Variants in CCSER1 observed in about 807,000 individuals in gnomAD.
CCSER1 encodes the protein serine-rich coiled-coil domain-containing protein 1.
Under a neutral mutation model 82.0 loss-of-function variants are expected in CCSER1, and 41 were observed. The ratio of observed to expected loss-of-function variants is 0.50; its 90% CI spans 0.39 to 0.65. The LOEUF (loss-of-function observed/expected upper bound fraction) is 0.65, where lower values mean the gene tolerates loss of function less well. Ranked by LOEUF, CCSER1 falls within the 30% of genes least tolerant of loss-of-function variation. The probability of loss-of-function intolerance (pLI) is 0.00; values close to 1 mark genes in which losing one functional copy is unlikely to be tolerated. For synonymous variants in CCSER1, 414 were observed against 383.9 expected (o/e 1.08, Z -0.92); for missense variants, 1,119 against 1,064.2 (o/e 1.05, Z -0.72).
At chr4:90,938,701 A>G in intron 9 of CCSER1, 2 of 411,434 alleles carry the variant, frequency 4.9e-6, no homozygotes, top group Non-Finnish European at 9.9e-6. Flanking sequence ...ACATGCACTG[A>G]AGGTTTATTT....
chr4:90,759,086 C>T (rs1376681585), intron 7 of CCSER1, among the ~76,000 whole-genome samples: 1 of 152,102 alleles, frequency 6.6e-6, no homozygotes, highest in Non-Finnish European at 1.5e-5. Flanking sequence ...TTTAGTCATC[C>T]TAAATTCGAA....
intron 10 of CCSER1, among the ~76,000 whole-genome samples, chr4:91,146,659 G>A (rs1220901304): frequency 2.0e-5 from 3 of 151,754 alleles, no homozygotes; most frequent in African/African-American, 7.3e-5. Flanking sequence ...TTTCATTGTG[G>A]TGTATGTTGT....
intron 10 of CCSER1, among the ~76,000 whole-genome samples, chr4:91,394,556 G>A (rs1751850590): frequency 6.6e-6 from 1 of 151,960 alleles, no homozygotes. Context: ...TGGCAATAGA[G>A]TAATATTTAA....
At chr4:90,910,119 A>C (rs921533865) in intron 8 of CCSER1, among the ~76,000 whole-genome samples, 7 of 152,148 alleles carry the variant, frequency 4.6e-5, no homozygotes, top group African/African-American at 7.2e-5. Flanking sequence ...AGAGAGAAAG[A>C]GAGAGCAAAG....
At chr4:90,442,418 G>T (rs1760018631) in intron 4 of CCSER1, among the ~76,000 whole-genome samples, 1 of 152,132 alleles carries the variant, frequency 6.6e-6, no homozygotes, top group Non-Finnish European at 1.5e-5. Context: ...ATCAAGTAAA[G>T]CTCAATTTAT....
At chr4:90,235,955 T>G (rs1237961516) in intron 1 of CCSER1, among the ~76,000 whole-genome samples, 1 of 152,142 alleles carries the variant, frequency 6.6e-6, no homozygotes, top group Non-Finnish European at 1.5e-5. Context: ...AAGTAATTTT[T>G]TTTTGAGAGA....
chr4:90,918,293 C>A (rs551744071), intron 8 of CCSER1: 1 of 452,238 alleles, frequency 2.2e-6, no homozygotes, highest in Admixed American at 2.4e-5. Flanking sequence ...TCATCTTTTT[C>A]ATCTTGTTGA....
intron 10 of CCSER1, among the ~76,000 whole-genome samples, chr4:91,284,355 T>C (rs1358807915): frequency 6.6e-6 from 1 of 152,058 alleles, no homozygotes; most frequent in East Asian, 1.9e-4. Flanking sequence ...ATGTTGGTTT[T>C]TTTTCCCAAA....
At chr4:91,229,373 T>A (rs922147025) in intron 10 of CCSER1, among the ~76,000 whole-genome samples, 3 of 151,658 alleles carry the variant, frequency 2.0e-5, no homozygotes. Flanking sequence ...AACAGAGTAC[T>A]CTTTGGGGAA....
At chr4:91,563,534 G>C (rs1258980810) in intron 10 of CCSER1, among the ~76,000 whole-genome samples, 2 of 142,194 alleles carry the variant, frequency 1.4e-5, no homozygotes, top group Non-Finnish European at 3.1e-5. Flanking sequence ...TACACACACA[G>C]TGTTCCATAT....
chr4:91,115,412 C>T (rs1184359128), intron 10 of CCSER1, among the ~76,000 whole-genome samples: 2 of 151,968 alleles, frequency 1.3e-5, no homozygotes, highest in African/African-American at 4.8e-5. Flanking sequence ...CCGCAACCTC[C>T]ATCTCCCACA....
intron 8 of CCSER1, among the ~76,000 whole-genome samples, chr4:90,894,529 G>A (rs187573224): frequency 6.6e-6 from 1 of 151,996 alleles, no homozygotes; most frequent in East Asian, 1.9e-4. Flanking sequence ...TTTGTTCCGG[G>A]AAACATTGAC....
chr4:91,035,425 A>G (rs1325530522), intron 9 of CCSER1, among the ~76,000 whole-genome samples: 2 of 152,160 alleles, frequency 1.3e-5, no homozygotes, highest in Non-Finnish European at 2.9e-5. Flanking sequence ...TTCTTAGAGT[A>G]AATGCACAGT....
chr4:90,390,283 ATTTCT>A (rs1456056121), intron 3 of CCSER1, among the ~76,000 whole-genome samples: 8 of 152,072 alleles, frequency 5.3e-5, no homozygotes, highest in Non-Finnish European at 1.0e-4. Context: ...TGTATTTTTC[ATTTCT>A]TAATTTCAAC....
intron 8 of CCSER1, among the ~76,000 whole-genome samples, chr4:90,850,514 C>G (rs899789637): frequency 6.6e-6 from 1 of 152,214 alleles, no homozygotes; most frequent in Non-Finnish European, 1.5e-5. Context: ...CCTGCACCAG[C>G]GTGCCCTGAA....
At chr4:90,343,680 T>G (rs1579292027) in intron 3 of CCSER1, among the ~76,000 whole-genome samples, 1 of 152,216 alleles carries the variant, frequency 6.6e-6, no homozygotes, top group South Asian at 2.1e-4. Context: ...CTTTGGTGTA[T>G]TCTCACACCA....
At chr4:90,236,329 G>A (rs1370360918) in intron 1 of CCSER1, among the ~76,000 whole-genome samples, 2 of 151,998 alleles carry the variant, frequency 1.3e-5, no homozygotes, top group Non-Finnish European at 2.9e-5. Context: ...TTTCTTAATC[G>A]AGAAAAGCAT....
chr4:90,349,607 C>A (rs973112589), intron 3 of CCSER1, among the ~76,000 whole-genome samples: 1 of 151,960 alleles, frequency 6.6e-6, no homozygotes, highest in Non-Finnish European at 1.5e-5. Context: ...AAATTCTTTA[C>A]CCTTGTTTGT....
At chr4:90,324,845 G>C (rs909130921) in intron 3 of CCSER1, among the ~76,000 whole-genome samples, 1 of 152,126 alleles carries the variant, frequency 6.6e-6, no homozygotes. Flanking sequence ...CTTAATTTTT[G>C]TATAAGGTGT....
Sources: gnomAD v4.1 joint callset for allele counts (sites outside exome capture counted in the v4.1 genomes callset) on GRCh38, gnomAD v4.1.1 for gene constraint, MANE v1.5 for transcripts, NCBI Gene and HGNC (gene_info 2026-07-23, HGNC 2026-07-21) for gene names.